The following NLGN1 variants were observed in gnomAD, a reference collection of about 807,000 sequenced individuals.
NLGN1 encodes the protein neuroligin 1, also known as neuroligin-1.
A neutral mutation model predicts 65.5 loss-of-function variants in NLGN1; 12 were observed. The ratio of observed to expected loss-of-function variants is 0.18; its 90% CI spans 0.12 to 0.30. The LOEUF is 0.30. Among genes scored for constraint, NLGN1 ranks in the 10% least tolerant of loss-of-function variants. The pLI is 1.00. For synonymous variants in NLGN1, 350 were observed against 359.5 expected, an observed-to-expected ratio of 0.97 and a Z score of 0.30; for missense variants, 750 against 1,007.1, an observed-to-expected ratio of 0.74 and a Z score of 3.46.
At chr3:173,991,851 C>T (rs893675740) in intron 4 of NLGN1, among the ~76,000 whole-genome samples, 1 of 152,096 alleles carries the variant, frequency 6.6e-6, no homozygotes, top group Admixed American at 6.6e-5. Flanking sequence ...CTTGCTCTGT[C>T]CCCCAGGCTG....
chr3:174,142,561 C>T (rs371081528), intron 4 of NLGN1, among the ~76,000 whole-genome samples: 24 of 152,094 alleles, frequency 1.6e-4, no homozygotes, highest in South Asian at 1.3e-3. Context: ...GAAATGTGAA[C>T]TTAGAAGCAG....
At position 173,718,850 on chromosome 3, in the gene NLGN1, T is replaced by G. The variant is rs76874267; in HGVS notation, c.494-88830T>G. Among the ~76,000 whole-genome samples the G allele has an allele frequency of 5.8e-3, 880 of 152,342 alleles. 10 individuals carry two copies. Among genetic ancestry groups the G allele is most frequent in the African/African-American group, 0.02 (830 of 41,580 alleles). Reference sequence around the variant, plus strand: ...TTTATAAACATACCAGAAACTTTCCTGTTTTTAAACAATAATGTGTAGGTT... The same window carrying G: ...TTTATAAACATACCAGAAACTTTCCGGTTTTTAAACAATAATGTGTAGGTT... On this transcript the variant is annotated intron_variant, in intron 3 of 6. Coordinates refer to ENST00000457714, the Ensembl canonical transcript of NLGN1.
At chr3:174,141,834 A>G (rs1722340976) in intron 4 of NLGN1, among the ~76,000 whole-genome samples, 1 of 152,206 alleles carries the variant, frequency 6.6e-6, no homozygotes, top group African/African-American at 2.4e-5. Flanking sequence ...AGGATATGAT[A>G]CAGAAGGACT....
At chr3:173,507,819 A>G (rs112576272) in intron 2 of NLGN1, among the ~76,000 whole-genome samples, 2,549 of 152,246 alleles carry the variant, frequency 0.017, 80 homozygotes, top group African/African-American at 0.059. Context: ...AGGCATTGGT[A>G]TTAGGGAAGA....
chr3:173,962,432 C>G (rs768573758), intron 4 of NLGN1, among the ~76,000 whole-genome samples: 2 of 152,066 alleles, frequency 1.3e-5, no homozygotes, highest in Non-Finnish European at 2.9e-5. Flanking sequence ...GGCTTAGTTA[C>G]CCCAAATGTG....
chr3:174,159,018 A>G (rs544325620), intron 4 of NLGN1, among the ~76,000 whole-genome samples: 135 of 151,796 alleles, frequency 8.9e-4, no homozygotes, highest in Middle Eastern at 3.4e-3. Context: ...AAGATACAAA[A>G]AAATCTTCTC....
intron 4 of NLGN1, among the ~76,000 whole-genome samples, chr3:173,953,720 T>A (rs910924544): frequency 1.3e-5 from 2 of 151,936 alleles, no homozygotes; most frequent in Non-Finnish European, 1.5e-5. Context: ...TCTGGCTAAT[T>A]TTTTATAGAT....
intron 2 of NLGN1, among the ~76,000 whole-genome samples, chr3:173,495,833 C>T (rs189517485): frequency 6.6e-6 from 1 of 151,732 alleles, no homozygotes; most frequent in East Asian, 1.9e-4. Context: ...CTATCCCAGT[C>T]TCTGCTTCTG....
downstream of NLGN1, among the ~76,000 whole-genome samples, chr3:174,289,787 T>C (rs986388218): frequency 7.3e-5 from 11 of 150,420 alleles, no homozygotes; most frequent in African/African-American, 2.2e-4. Flanking sequence ...CCTTAGTCTT[T>C]TTCCCCAGAG....
intron 2 of NLGN1, among the ~76,000 whole-genome samples, chr3:173,441,464 C>T (rs150323479): frequency 6.6e-6 from 1 of 152,240 alleles, no homozygotes; most frequent in African/African-American, 2.4e-5. Flanking sequence ...TCTCCTTTCA[C>T]TTGAACAGTG....
At chr3:174,053,945 T>G (rs1027423939) in intron 4 of NLGN1, among the ~76,000 whole-genome samples, 3 of 152,028 alleles carry the variant, frequency 2.0e-5, no homozygotes, top group African/African-American at 7.2e-5. Flanking sequence ...ATAAGGAATT[T>G]ATTTATGCCA....
intron 2 of NLGN1, among the ~76,000 whole-genome samples, chr3:173,545,069 GTTTGTTTTGT>G (rs58762495): frequency 6.6e-6 from 1 of 150,600 alleles, no homozygotes; most frequent in Non-Finnish European, 1.5e-5. Context: ...TGTTTTTTTT[GTTTGTTTTGT>G]TTTGTTTTGT....
chr3:173,598,816 T>C (rs1461607264), intron 2 of NLGN1, among the ~76,000 whole-genome samples: 4 of 152,140 alleles, frequency 2.6e-5, no homozygotes, highest in Non-Finnish European at 5.9e-5. Context: ...TGGAAACAAT[T>C]CCTGTAAGGG....
intron 4 of NLGN1, among the ~76,000 whole-genome samples, chr3:173,904,835 T>C (rs1738070807): frequency 6.6e-6 from 1 of 152,190 alleles, no homozygotes; most frequent in Admixed American, 6.6e-5. Flanking sequence ...AAGAACAAGT[T>C]ATTTTCAGGC....
chr3:174,128,635 T>C (rs1465042749), intron 4 of NLGN1, among the ~76,000 whole-genome samples: 1 of 152,172 alleles, frequency 6.6e-6, no homozygotes, highest in Non-Finnish European at 1.5e-5. Context: ...TTAGTCCAAG[T>C]GACTGACCTT....
At chr3:174,169,892 G>A (rs1728201322) in intron 4 of NLGN1, among the ~76,000 whole-genome samples, 1 of 152,104 alleles carries the variant, frequency 6.6e-6, no homozygotes, top group African/African-American at 2.4e-5. Flanking sequence ...GCATTTTCAA[G>A]CCTCTCCCTA....
chr3:174,011,798 C>T (rs1280215571), intron 4 of NLGN1, among the ~76,000 whole-genome samples: 1 of 152,072 alleles, frequency 6.6e-6, no homozygotes, highest in African/African-American at 2.4e-5. Flanking sequence ...TTGTTCCAGA[C>T]ACTGGTCTAG....
At chr3:174,194,850 T>A (rs957563198) in intron 4 of NLGN1, among the ~76,000 whole-genome samples, 3 of 106,876 alleles carry the variant, frequency 2.8e-5, no homozygotes, top group African/African-American at 5.7e-5. Flanking sequence ...TCAAGATTTT[T>A]TTTTCTTTTT....
Position 174,165,848 on chromosome 3 carries a change from GC to G in NLGN1, c.647-109466del, listed in dbSNP as rs1727385909. On this transcript the variant is annotated intron_variant, in intron 4 of 6. Coordinates refer to ENST00000457714, the Ensembl canonical transcript of NLGN1. ...ATCTGGTCTGGGGCTTTCTTAGTTGGCAGGTTTTTATTACTGATTCTATTTC... is the reference window on the plus strand; with the variant it reads ...ATCTGGTCTGGGGCTTTCTTAGTTGGAGGTTTTTATTACTGATTCTATTTC... Among the ~76,000 whole-genome samples, 12 of 152,012 alleles carry G rather than the reference GC, an allele frequency of 7.9e-5. No individual in the cohort carries two copies. In the South Asian group the frequency reaches 2.5e-3, roughly 32 times the overall value.
Sources: gnomAD v4.1 joint callset for allele counts (sites outside exome capture counted in the v4.1 genomes callset) on GRCh38, gnomAD v4.1.1 for gene constraint, MANE v1.5 for transcripts, NCBI Gene and HGNC (gene_info 2026-07-23, HGNC 2026-07-21) for gene names.